Variants in RUVBL1 observed in about 807,000 individuals in gnomAD.
The protein encoded by RUVBL1 is ruvB-like 1.
In RUVBL1, 4 loss-of-function variants were observed where a neutral mutation model predicts 52.4. That is an observed-to-expected ratio of 0.08 (90% CI 0.04 to 0.17). The LOEUF is 0.17. Ranked by LOEUF, RUVBL1 falls within the 10% of genes least tolerant of loss-of-function variation. The pLI, the probability that RUVBL1 is intolerant of heterozygous loss-of-function variation, is 1.00. For synonymous variants in RUVBL1, 217 were observed against 214.4 expected (o/e 1.01, Z -0.10); for missense variants, 298 against 572.8 (o/e 0.52, Z 4.90).
At chr3:128,095,357 C>A (rs1942944852) in intron 8 of RUVBL1, among the ~76,000 whole-genome samples, 1 of 152,278 alleles carries the variant, frequency 6.6e-6, no homozygotes, top group Admixed American at 6.5e-5. Flanking sequence ...CTTTCACCAA[C>A]TGCACTGTCA....
At chr3:128,078,199 C>G (rs1018422428), downstream of RUVBL1, among the ~76,000 whole-genome samples, 2 of 152,226 alleles carry the variant, frequency 1.3e-5, no homozygotes, top group Admixed American at 1.3e-4. Context: ...CCCCAGCCCC[C>G]TTCTGTACCC....
intron 1 of RUVBL1, among the ~76,000 whole-genome samples, chr3:128,151,160 T>C (rs1219161346): frequency 7.7e-6 from 1 of 130,708 alleles, no homozygotes; most frequent in Non-Finnish European, 1.6e-5. Context: ...TCTATATATA[T>C]TCTATATATA....
At chr3:128,103,881 AATG>A (rs1408070671) in intron 4 of RUVBL1, among the ~76,000 whole-genome samples, 1 of 152,240 alleles carries the variant, frequency 6.6e-6, no homozygotes, top group African/African-American at 2.4e-5. Context: ...TGAGAGCTAT[AATG>A]ATAATATTTA....
chr3:128,078,695 G>A (rs968498839), downstream of RUVBL1: 25 of 152,234 alleles, frequency 1.6e-4, no homozygotes, highest in African/African-American at 5.5e-4. Context: ...GTTAGATTGT[G>A]TGTCAGCCTG....
chr3:128,065,101 G>A (rs754918599), exon 10 of RUVBL1: 1 of 1,525,240 alleles, frequency 6.6e-7, no homozygotes, highest in Admixed American at 1.7e-5. Flanking sequence ...AATGCCTTGT[G>A]TGCAGTCCCC....
intron 6 of RUVBL1, among the ~76,000 whole-genome samples, 189 bp downstream of exon 6, chr3:128,100,406 G>A (rs970560636): frequency 6.6e-6 from 1 of 152,192 alleles, no homozygotes; most frequent in Non-Finnish European, 1.5e-5. Context: ...AATCATCTGT[G>A]ACTAGAGCAT....
Position 128,068,166 on chromosome 3 carries a change from T to C in RUVBL1, c.940-2946A>G. The C allele has an allele frequency of 7.7e-6, 6 of 779,536 alleles. No homozygotes were observed. The South Asian group carries it at 8.8e-5, about 11-fold the overall frequency. The allele number at this position is 779,536 out of a possible 1,614,324, so 48.3% of individuals were successfully genotyped here. A position where few individuals can be genotyped will look rare whatever the true frequency, so the allele number is the denominator to read the frequency against. ...TAGCACTTACTGGGTCACTAAATCT[T>C]ATCCTTGGGTTACAGGACAGAATTA... On this transcript the variant is annotated intron_variant, in intron 9 of 9. Transcript: ENST00000464873.
At chr3:128,104,624 A>G in intron 4 of RUVBL1, 149 bp downstream of exon 4, 1 of 615,864 alleles carries the variant, frequency 1.6e-6, no homozygotes. Flanking sequence ...ACCGCTTTAT[A>G]CACACAATAT....
upstream of RUVBL1, among the ~76,000 whole-genome samples, chr3:128,125,233 T>C (rs1943767624): frequency 6.6e-6 from 1 of 151,948 alleles, no homozygotes; most frequent in Non-Finnish European, 1.5e-5. Context: ...GCCAGAATGG[T>C]CTCAATCTCC....
At chr3:128,131,490 A>AAAAC (rs576227021) in intron 1 of RUVBL1, among the ~76,000 whole-genome samples, 4 of 151,420 alleles carry the variant, frequency 2.6e-5, no homozygotes, top group South Asian at 2.1e-4. Context: ...AAAACAAAAC[A>AAAAC]AAACAAACAA....
intron 8 of RUVBL1, among the ~76,000 whole-genome samples, chr3:128,096,895 G>A (rs1036771194): frequency 1.4e-4 from 21 of 152,138 alleles, no homozygotes; most frequent in African/African-American, 4.8e-4. Flanking sequence ...CTGTCTTTAC[G>A]ATGAGGGACA....
chr3:128,106,045 G>GT (rs907676210), intron 3 of RUVBL1, among the ~76,000 whole-genome samples: 3 of 151,490 alleles, frequency 2.0e-5, no homozygotes, highest in African/African-American at 7.3e-5. Context: ...AATTTTTGGG[G>GT]TTTTTTTGTA....
At chr3:128,128,494 G>A (rs1226306557), upstream of RUVBL1, among the ~76,000 whole-genome samples, 1 of 152,168 alleles carries the variant, frequency 6.6e-6, no homozygotes. Context: ...TGTCTATCGT[G>A]TGGTCCAAGA....
chr3:128,107,756 A>C (rs746845078), intron 3 of RUVBL1, among the ~76,000 whole-genome samples: 1 of 152,254 alleles, frequency 6.6e-6, no homozygotes, highest in Non-Finnish European at 1.5e-5. Flanking sequence ...TCTCCAAACA[A>C]CACGAATATA....
chr3:128,128,515 A>G (rs998253553), upstream of RUVBL1, among the ~76,000 whole-genome samples: 14 of 152,272 alleles, frequency 9.2e-5, no homozygotes, highest in African/African-American at 3.1e-4. Flanking sequence ...TAGCTGCTCA[A>G]ACTCCTCCCA....
At chr3:128,152,953 T>C (rs1190749202) in intron 1 of RUVBL1, among the ~76,000 whole-genome samples, 1 of 10,210 alleles carries the variant, frequency 9.8e-5, no homozygotes, top group Non-Finnish European at 1.5e-4. Context: ...CGCCCCCGTC[T>C]TCCCGCCCCC....
At chr3:128,078,312 CA>C (rs1308843704), downstream of RUVBL1, among the ~76,000 whole-genome samples, 1 of 152,260 alleles carries the variant, frequency 6.6e-6, no homozygotes, top group African/African-American at 2.4e-5. Context: ...TCCTACCAAT[CA>C]ATCTGGCAGG....
intron 1 of RUVBL1, among the ~76,000 whole-genome samples, chr3:128,152,516 G>A (rs887315049): frequency 7.9e-5 from 12 of 152,142 alleles, no homozygotes; most frequent in South Asian, 2.1e-4. Context: ...GAGACTTCTC[G>A]CTCTCTGAAA....
chr3:128,149,175 C>CCCTT, intron 1 of RUVBL1, among the ~76,000 whole-genome samples: 1 of 144,516 alleles, frequency 6.9e-6, no homozygotes, highest in South Asian at 2.2e-4. Context: ...CTCTTCTTTC[C>CCCTT]TCTTTCTTTC....
Sources: gnomAD v4.1 joint callset for allele counts (sites outside exome capture counted in the v4.1 genomes callset) on GRCh38, gnomAD v4.1.1 for gene constraint, MANE v1.5 for transcripts, NCBI Gene and HGNC (gene_info 2026-07-23, HGNC 2026-07-21) for gene names.